Variants in ADGRF4 observed in about 807,000 individuals in gnomAD.
The protein encoded by ADGRF4 is adhesion G protein-coupled receptor F4, also known as G-protein coupled receptor PGR18.
In ADGRF4, 63 loss-of-function variants were observed where a neutral mutation model predicts 58.5. The ratio of observed to expected loss-of-function variants is 1.08; its 90% CI spans 0.88 to 1.33. ADGRF4 has a LOEUF of 1.33. Among genes scored for constraint, ADGRF4 ranks in the 40% most tolerant of loss-of-function variants. ADGRF4 has a pLI of 0.00. For missense variants in ADGRF4, 931 were observed against 843.9 expected, an observed-to-expected ratio of 1.10 and a Z score of -1.28; for synonymous variants, 313 against 295.4, an observed-to-expected ratio of 1.06 and a Z score of -0.61.
chr6:47,705,083 C>T (rs1327397529), intron 1 of ADGRF4, among the ~76,000 whole-genome samples: 4 of 152,134 alleles, frequency 2.6e-5, no homozygotes, highest in Non-Finnish European at 4.4e-5. Context: ...CGCCTGCCAC[C>T]ACACTTGGCT....
intron 6 of ADGRF4, 85 bp from the exon 7 acceptor site, chr6:47,716,721 G>A: frequency 3.1e-6 from 3 of 978,728 alleles, no homozygotes; most frequent in Non-Finnish European, 4.9e-6. Flanking sequence ...TGCCCTAGGA[G>A]GTATCTAGAA....
intron 9 of ADGRF4, among the ~76,000 whole-genome samples, chr6:47,720,005 T>C (rs762762151): frequency 2.6e-5 from 4 of 152,236 alleles, no homozygotes; most frequent in Non-Finnish European, 5.9e-5. Context: ...TCTGTGCCTA[T>C]TGAATTTTCT....
intron 1 of ADGRF4, among the ~76,000 whole-genome samples, chr6:47,706,140 C>T (rs1771705222): frequency 1.3e-5 from 2 of 152,130 alleles, no homozygotes; most frequent in African/African-American, 4.8e-5. Flanking sequence ...ATCTGGATTT[C>T]CAGGAAAATC....
intron 1 of ADGRF4, among the ~76,000 whole-genome samples, chr6:47,705,954 A>T (rs956945882): frequency 6.6e-6 from 1 of 152,200 alleles, no homozygotes; most frequent in Non-Finnish European, 1.5e-5. Context: ...TATGCTGAGC[A>T]TCTGGTACAA....
chr6:47,717,203 G>A (rs1404619341), intron 7 of ADGRF4, 89 bp from the exon 8 acceptor site: 1 of 892,092 alleles, frequency 1.1e-6, no homozygotes, highest in African/African-American at 1.6e-5. Context: ...GCTTCTGCCA[G>A]GGTTACTGGT....
At chr6:47,706,785 G>T (rs1771720106) in intron 1 of ADGRF4, among the ~76,000 whole-genome samples, 1 of 152,202 alleles carries the variant, frequency 6.6e-6, no homozygotes, top group Non-Finnish European at 1.5e-5. Context: ...GCTCATAGTT[G>T]CTCAACTCTT....
intron 2 of ADGRF4, 92 bp from the exon 3 acceptor site, chr6:47,708,132 T>C (rs1771765588): frequency 1.1e-6 from 1 of 912,772 alleles, no homozygotes; most frequent in Admixed American, 2.1e-5. Flanking sequence ...CCTGAACACA[T>C]TTTCTTTTCA....
chr6:47,708,127 A>C, intron 2 of ADGRF4, 97 bp from the exon 3 acceptor site: 1 of 866,440 alleles, frequency 1.2e-6, no homozygotes. Context: ...CTAGTCCTGA[A>C]CACATTTTCT....
intron 3 of ADGRF4, among the ~76,000 whole-genome samples, chr6:47,709,501 A>G (rs753424153): frequency 6.6e-6 from 1 of 152,256 alleles, no homozygotes; most frequent in African/African-American, 2.4e-5. Context: ...AGCAAATGAA[A>G]ATATAGAATG....
In ADGRF4 at chr6:47,713,892, A is replaced by C. The variant is rs1343097524; in HGVS notation, c.647A>C (p.Gln216Pro). ...AAAAATGCCAGCTCGGATTTGTTGC[A>C]GTCAGTGAATTTGTTTGCCAGACAA... ...PNKNASSDLL[Q>P]SVNLFARQLH... is the part of the protein sequence containing the mutation. Residue 216 changes from glutamine (Q) to proline (P), a missense_variant, in exon 6 of 10, where the codon CAG becomes CCG. Physicochemically the swap from Gln to Pro is moderately conservative, Grantham distance 76. Transcript: ENST00000283303. The C allele has an allele frequency of 1.2e-6, 2 of 1,609,562 alleles. No individual in the cohort carries two copies.
chr6:47,713,412 T>G (rs181510614), intron 5 of ADGRF4, among the ~76,000 whole-genome samples: 11 of 152,308 alleles, frequency 7.2e-5, no homozygotes, highest in Non-Finnish European at 1.0e-4. Flanking sequence ...ACTTTGGAAT[T>G]CTTTGTAAGG....
chr6:47,715,372 C>T (rs1255283970), intron 6 of ADGRF4, 195 bp downstream of exon 6: 6 of 524,122 alleles, frequency 1.1e-5, no homozygotes, highest in Non-Finnish European at 2.0e-5. Context: ...TGGAAATCTC[C>T]TTCCTTCTTT....
chr6:47,707,200 A>G (rs1207925230), intron 1 of ADGRF4, 30 bp from the exon 2 acceptor site: 2 of 1,211,874 alleles, frequency 1.7e-6, no homozygotes, highest in African/African-American at 1.5e-5. Context: ...TGTCACCTTC[A>G]GGTGGGTATG....
At chr6:47,704,396 G>A (rs1303523362) in intron 1 of ADGRF4, among the ~76,000 whole-genome samples, 1 of 152,126 alleles carries the variant, frequency 6.6e-6, no homozygotes, top group East Asian at 1.9e-4. Flanking sequence ...GCACATTTCT[G>A]ACTATGATCT....
At chr6:47,699,443 G>A (rs1158691347) in intron 1 of ADGRF4, among the ~76,000 whole-genome samples, 1 of 152,176 alleles carries the variant, frequency 6.6e-6, no homozygotes. Flanking sequence ...GGCAATTGCT[G>A]GGCGTATAAA....
chr6:47,712,594 C>T lies in ADGRF4; in HGVS notation c.538C>T (p.Arg180Ter), dbSNP rs574873610. The T allele has an allele frequency of 8.1e-5, 128 of 1,573,374 alleles. No individual in the cohort carries two copies. In the South Asian group the frequency reaches 1.2e-3, roughly 15 times the overall value. The change falls in exon 5 of 10, where the codon CGA (arginine) becomes TGA (stop). Residue 180 changes from arginine to a stop codon, truncating the protein, a stop_gained. Coordinates refer to ENST00000283303, the MANE Select transcript of ADGRF4 (RefSeq NM_153838.5). LOFTEE classifies it high-confidence loss of function. ...TACAGACTTGTCTGATAATGTTACT[C>T]GAGAGAAAATGAAGGTATTCTTTGT... is the stretch of plus-strand genomic sequence containing the variant. ...ISTDLSDNVT[R>*]EKMKSYSEVA...
chr6:47,718,796 T>A (rs1772092728), intron 9 of ADGRF4, among the ~76,000 whole-genome samples: 1 of 152,108 alleles, frequency 6.6e-6, no homozygotes, highest in Non-Finnish European at 1.5e-5. Flanking sequence ...AAGCAACAGG[T>A]CTGTCTTTCT....
At chr6:47,709,837 C>T (rs542615969) in intron 3 of ADGRF4, among the ~76,000 whole-genome samples, 6 of 140,494 alleles carry the variant, frequency 4.3e-5, no homozygotes, top group Admixed American at 1.4e-4. Flanking sequence ...TCCTAGTCTA[C>T]GTAGCATCAC....
Position 47,716,758 on chromosome 6 carries a change from T to A in ADGRF4, c.1933-48T>A, listed in dbSNP as rs1467695162. On this transcript the variant is annotated intron_variant, in intron 6 of 9. Transcript: ENST00000283303. ...AGCGGTATGAAAATAACAGCAGGAA[T>A]ATTTTTTGAAAAACCATCCCTCATG... The A allele has an allele frequency of 3.5e-6, 5 of 1,415,500 alleles. No homozygotes were observed. In the African/African-American group the frequency reaches 5.7e-5, roughly 16 times the overall value. 87.7% of individuals were successfully genotyped at this position (1,415,500 alleles called of 1,614,324 possible).
Sources: allele counts gnomAD v4.1 joint callset (sites outside exome capture counted in the v4.1 genomes callset), GRCh38; gene constraint gnomAD v4.1.1; transcripts MANE v1.5; gene names NCBI Gene and HGNC (gene_info 2026-07-23, HGNC 2026-07-21).